Variants in CPSF1 observed in about 807,000 individuals in gnomAD.
CPSF1 encodes cleavage and polyadenylation specific factor 1.
Under a neutral mutation model 175.8 loss-of-function variants are expected in CPSF1, and 106 were observed. That is an observed-to-expected ratio of 0.60 (90% CI 0.52 to 0.71). The LOEUF (loss-of-function observed/expected upper bound fraction) is 0.71. Among genes scored for constraint, CPSF1 ranks in the 30% least tolerant of loss-of-function variants. The probability of loss-of-function intolerance (pLI) is 0.00; values close to 1 mark genes in which losing one functional copy is unlikely to be tolerated. For missense variants in CPSF1, 1,734 were observed against 2,022.9 expected (o/e 0.86, Z 2.74); for synonymous variants, 1,024 against 858.3 (o/e 1.19, Z -3.37).
chr8:144,393,901 T>C lies in CPSF1; in HGVS notation c.3997A>G (p.Lys1333Glu). ...LSKKSVVWEN[K>E]HITWFATLDG... ...CACTCACCAAACCACGTGATGTGCT[T>C]ATTCTCCCACACGACCGACTTTTTG... Residue 1333 changes from lysine to glutamate, a missense_variant, in exon 35 of 38, where the codon AAG becomes GAG. Coordinates refer to ENST00000616140, the MANE Select transcript of CPSF1 (RefSeq NM_013291.3). 1 of 1,612,388 alleles carries C rather than the reference T, an allele frequency of 6.2e-7. No individual in the cohort carries two copies. The highest frequency in any genetic ancestry group is 8.5e-7 in the Non-Finnish European group (1 of 1,179,364).
Position 144,394,179 on chromosome 8 carries a change from G to GGGTCAGCCCC in CPSF1, c.3812-29_3812-20dup. 6.2e-7 allele frequency: 1 copy of GGGTCAGCCCC among 1,612,468 alleles called. No homozygotes were observed. The highest frequency in any genetic ancestry group is 8.5e-7 in the Non-Finnish European group (1 of 1,179,860). On this transcript the variant is annotated intron_variant, in intron 33 of 37. Coordinates refer to ENST00000616140, the MANE Select transcript of CPSF1 (RefSeq NM_013291.3). ...TCAGACACTGGGGAGCAGAGGCCCA[G>GGGTCAGCCCC]GGTCAGCCCCGGCCACCCCCAGAGC...
At position 144,394,224 on chromosome 8, in the gene CPSF1, G is replaced by A. The variant is rs782112378; in HGVS notation, c.3811+10C>T. 3.1e-6 allele frequency: 5 copies of A among 1,608,162 alleles called. No homozygotes were observed. Among genetic ancestry groups the A allele is most frequent in the Middle Eastern group, 1.7e-4 (1 of 6,036 alleles). On this transcript the variant is annotated intron_variant, in intron 33 of 37. Coordinates refer to ENST00000616140, the MANE Select transcript of CPSF1 (RefSeq NM_013291.3). ...CAGAGCCTCAGCTCCCCAGGGCCCT[G>A]CCCACATACCCAGAAAACCCAGCTG...
Position 144,395,489 on chromosome 8 carries a change from C to A in CPSF1, c.3042G>T (p.Arg1014Ser). 1 of 1,611,672 alleles carries A rather than the reference C, an allele frequency of 6.2e-7. No individual in the cohort carries two copies. The part of the protein sequence containing the change: ...YLSYDAPWPV[R>S]KIPLRCTAHY... ...GGGCCGTGCAGCGCAGCGGGATCTTCCTGACAGGCCATGGGGCATCATAGG... is the reference window on the plus strand; with the variant it reads ...GGGCCGTGCAGCGCAGCGGGATCTTACTGACAGGCCATGGGGCATCATAGG... The change falls in exon 27 of 38, where the codon AGG becomes AGT. Residue 1014 changes from arginine (R) to serine (S), a missense_variant. Arg to Ser is a moderately radical substitution (Grantham distance 110). Coordinates refer to ENST00000616140, the MANE Select transcript of CPSF1 (RefSeq NM_013291.3).
intron 2 of CPSF1, among the ~76,000 whole-genome samples, chr8:144,402,113 A>C (rs1307790594): frequency 6.6e-6 from 1 of 152,130 alleles, no homozygotes; most frequent in East Asian, 1.9e-4. Flanking sequence ...GTTAGAGAAG[A>C]GGAAGCCCTG....
rs373840001 is a variant in CPSF1 at position 144,395,595 on chromosome 8, G to A, written c.2980-44C>T. Reference sequence around the variant, plus strand: ...GGTCAGGGGATCCAGGGCTAGCCAAGGGCAGGGGCAGGCAGGCCCAGGCCG... The same window carrying A: ...GGTCAGGGGATCCAGGGCTAGCCAAAGGCAGGGGCAGGCAGGCCCAGGCCG... On this transcript the variant is annotated intron_variant, in intron 26 of 37. Coordinates refer to ENST00000616140, the MANE Select transcript of CPSF1 (RefSeq NM_013291.3). 1.2e-5 allele frequency: 18 copies of A among 1,507,198 alleles called. 1 individual carries two copies. In the African/African-American group the frequency reaches 2.2e-4, roughly 18 times the overall value. The allele number at this position is 1,507,198 out of a possible 1,614,324, so 93.4% of individuals were successfully genotyped here. A position where few individuals can be genotyped will look rare whatever the true frequency, so the allele number is the denominator to read the frequency against.
In CPSF1 at chr8:144,398,646, G is replaced by A; in HGVS notation, c.1639-8C>T. ...CCCCTTGGGATTGTCCTCCTGTCAG[G>A]GCCAAAGGGGGGCAGGCTGGAAGCC... On this transcript the variant is annotated splice_region_variant and splice_polypyrimidine_tract_variant and intron_variant, in intron 17 of 37. Coordinates refer to ENST00000616140, the MANE Select transcript of CPSF1 (RefSeq NM_013291.3). 6.2e-7 allele frequency: 1 copy of A among 1,613,372 alleles called. No individual in the cohort carries two copies. Among genetic ancestry groups the A allele is most frequent in the Non-Finnish European group, 8.5e-7 (1 of 1,179,668 alleles).
rs2116861799 is a variant in CPSF1, at chr8:144,399,369, C to T, written c.1299G>A (p.Ala433=). Residue 433 remains alanine, a synonymous_variant, in exon 14 of 38, where the codon GCG becomes GCA. Coordinates refer to ENST00000616140, the MANE Select transcript of CPSF1 (RefSeq NM_013291.3). This position sits in a 1 kb window ranked among gnomAD's most constrained non-coding sequence, Gnocchi z 6.4. ...RVDATAGWSA[A]GKSVPQDEVD... ...CCTCATCCTGCGGCACCGACTTACC[C>T]GCAGCTGCACACAGAGAGCCCACTT... 38 of 1,612,774 alleles carry T rather than the reference C, an allele frequency of 2.4e-5. No individual in the cohort carries two copies. Among genetic ancestry groups the T allele is most frequent in the South Asian group, 1.2e-4 (11 of 91,070 alleles).
In CPSF1 at chr8:144,399,939, A is replaced by G; in HGVS notation, c.1031+53T>C. 1.3e-6 allele frequency: 2 copies of G among 1,508,286 alleles called. No homozygotes were observed. Among genetic ancestry groups the G allele is most frequent in the African/African-American group, 1.7e-5 (1 of 59,206 alleles). The allele number at this position is 1,508,286 out of a possible 1,614,324, so 93.4% of individuals were successfully genotyped here. On this transcript the variant is annotated intron_variant, in intron 10 of 37. Transcript: ENST00000616140. This position sits in a 1 kb window ranked among gnomAD's most constrained non-coding sequence, Gnocchi z 6.4. ...AGTGAAGGGGGCCAGGGGACCCTACAGGACTTGTGGGGGGCGGTGTGGGCA... is the reference window on the plus strand; with the variant it reads ...AGTGAAGGGGGCCAGGGGACCCTACGGGACTTGTGGGGGGCGGTGTGGGCA...
In CPSF1 at chr8:144,404,528, A is replaced by AT. The variant is rs2116898754; in HGVS notation, c.145-2856dup. Among the ~76,000 whole-genome samples the AT allele has an allele frequency of 6.3e-3, 890 of 141,464 alleles. 9 individuals are homozygous for AT. The highest frequency in any genetic ancestry group is 0.018 in the African/African-American group (684 of 38,946). 92.8% of individuals were successfully genotyped at this position (141,464 alleles called of 152,430 possible). On this transcript the variant is annotated intron_variant, in intron 2 of 37. Transcript: ENST00000616140. ...CTACAAGCGCCCACCACCACGCCTAATTTTTTTTTTTTTTGTATTTTAGTA... is the reference window on the plus strand; with the variant it reads ...CTACAAGCGCCCACCACCACGCCTAATTTTTTTTTTTTTTTGTATTTTAGTA...
rs1215291293 is a variant in CPSF1 at position 144,399,923 on chromosome 8, G to A, written c.1032-55C>T. ...ATGGGGACCCTGGGGGAGTGAAGGG[G>A]GCCAGGGGACCCTACAGGACTTGTG... On this transcript the variant is annotated intron_variant, in intron 10 of 37. Transcript: ENST00000616140. This position sits in a 1 kb window ranked among gnomAD's most constrained non-coding sequence, Gnocchi z 6.4. 3.8e-6 allele frequency: 6 copies of A among 1,564,622 alleles called. No individual in the cohort carries two copies. Among genetic ancestry groups the A allele is most frequent in the African/African-American group, 2.7e-5 (2 of 74,016 alleles).
At chr8:144,400,145 C>T (rs2116872336) in intron 9 of CPSF1, 21 bp downstream of exon 9, 28 of 1,367,644 alleles carry the variant, frequency 2.0e-5, no homozygotes, top group Non-Finnish European at 2.7e-5. Context: ...GCCCCCCCCG[C>T]CCCAGCCACC....
rs1015340580 is a variant in CPSF1 at position 144,403,188 on chromosome 8, C to A, written c.145-1515G>T. ...TTTGGCTCACTGCAACCTCTGCCTT[C>A]CAGGTTCAAGCGATTCTCCTGTCTC... On this transcript the variant is annotated intron_variant, in intron 2 of 37. Transcript: ENST00000616140. 3.3e-5 allele frequency among the ~76,000 whole-genome samples: 5 copies of A among 151,594 alleles called. No individual in the cohort carries two copies. In the East Asian group the frequency reaches 9.7e-4, roughly 29 times the overall value.
At position 144,394,409 on chromosome 8, in the gene CPSF1, C is replaced by T. The variant is rs1271172052; in HGVS notation, c.3714G>A (p.Glu1238=). ...MKSISLLRYQ[E]ESKTLSLVSR... is the part of the protein sequence containing the mutation. ...ACACCAGGCTCAGCGTCTTGCTTTC[C>T]TCCTGGTAGCGCAGCAGCGAAATGC... The change falls in exon 32 of 38, where the codon GAG becomes GAA. Residue 1238 remains glutamate, a synonymous_variant. Transcript: ENST00000616140. 1.9e-6 allele frequency: 3 copies of T among 1,609,150 alleles called. No individual in the cohort carries two copies. The highest frequency in any genetic ancestry group is 2.7e-5 in the African/African-American group (2 of 74,904).
Position 144,399,608 on chromosome 8 carries a change from C to A in CPSF1, c.1222G>T (p.Val408Phe). Residue 408 changes from valine to phenylalanine, a missense_variant, in exon 12 of 38, where the codon GTC becomes TTC. Coordinates refer to ENST00000616140, the MANE Select transcript of CPSF1 (RefSeq NM_013291.3). This position sits in a 1 kb window ranked among gnomAD's most constrained non-coding sequence, Gnocchi z 6.4. ...EKLQEPPASA[V>F]REAADKEEPP... ...CCCACCTTGTCGGCAGCCTCACGGA[C>A]AGCACTGGCCGGGGGCTCCTGCAGC... 2 of 1,610,632 alleles carry A rather than the reference C, an allele frequency of 1.2e-6. No individual in the cohort carries two copies. Among genetic ancestry groups the A allele is most frequent in the Non-Finnish European group, 1.7e-6 (2 of 1,178,668 alleles).
intron 21 of CPSF1, 34 bp from the exon 22 acceptor site, chr8:144,397,695 C>T: frequency 1.3e-6 from 2 of 1,566,552 alleles, no homozygotes; most frequent in African/African-American, 1.4e-5. Flanking sequence ...GGCGGCCTGC[C>T]AGCCCCAGGG....
intron 31 of CPSF1, 25 bp from the exon 32 acceptor site, chr8:144,394,580 G>A (rs368299954): frequency 4.9e-5 from 79 of 1,603,784 alleles, no homozygotes; most frequent in Non-Finnish European, 5.1e-5. Flanking sequence ...GAGGGTGAGC[G>A]GGCGCGGACG....
At chr8:144,403,806 T>C (rs147452368) in intron 2 of CPSF1, among the ~76,000 whole-genome samples, 20 of 151,520 alleles carry the variant, frequency 1.3e-4, no homozygotes, top group African/African-American at 4.8e-4. Flanking sequence ...CACCTTGGCC[T>C]CCCAAAGTGC....
rs1821208750 is a variant in CPSF1 at position 144,401,518 on chromosome 8, GAGA to G, written c.215_217del (p.Phe72del). ...CATGGACATGACGTTGCCAAAGAAGGAGAAGGAGGCAGCAAGCTCGAGCTTCTC... is the reference window on the plus strand; with the variant it reads ...CATGGACATGACGTTGCCAAAGAAGGAGGAGGCAGCAAGCTCGAGCTTCTC... On this transcript the variant is annotated inframe_deletion, in exon 4 of 38. Coordinates refer to ENST00000616140, the MANE Select transcript of CPSF1 (RefSeq NM_013291.3). 1.2e-6 allele frequency: 2 copies of G among 1,614,018 alleles called. No homozygotes were observed. Among genetic ancestry groups the G allele is most frequent in the Non-Finnish European group, 1.7e-6 (2 of 1,179,988 alleles).
At position 144,399,012 on chromosome 8, in the gene CPSF1, C is replaced by A; in HGVS notation, c.1494G>T (p.Leu498=). The change falls in exon 16 of 38, where the codon CTG becomes CTT. Residue 498 remains leucine, a synonymous_variant. Coordinates refer to ENST00000616140, the MANE Select transcript of CPSF1 (RefSeq NM_013291.3). The surrounding 1 kb of genome is among the most constrained non-coding windows in gnomAD (Gnocchi z 6.4). ...EEFQNSPEPD[L]EIVVCSGHGK... ...CGTGGCCGGAGCAAACCACAATCTC[C>A]AGGTCCGGCTCGGGGCTGTTCTGAA... 1 of 1,609,606 alleles carries A rather than the reference C, an allele frequency of 6.2e-7. No individual in the cohort carries two copies.
Sources: gnomAD v4.1 joint callset for allele counts (sites outside exome capture counted in the v4.1 genomes callset) on GRCh38, gnomAD v4.1.1 for gene constraint, Gnocchi (gnomAD v3.1) non-coding constraint, MANE v1.5 for transcripts, NCBI Gene and HGNC (gene_info 2026-07-23, HGNC 2026-07-21) for gene names.